USP6NL: variants seen among roughly 807,000 people sequenced by gnomAD.
USP6NL encodes USP6 N-terminal-like protein.
Under a neutral mutation model 61.9 loss-of-function variants are expected in USP6NL, and 26 were observed. The observed-to-expected ratio is 0.42, with a 90% CI of 0.31 to 0.58. The LOEUF is 0.58. USP6NL is among the 20% of genes least tolerant of loss of function. USP6NL has a pLI of 0.16. For synonymous variants in USP6NL, 432 were observed against 390.1 expected (o/e 1.11, Z -1.27); for missense variants, 1,114 against 1,034.3 (o/e 1.08, Z -1.06).
chr10:11,470,678 A>G lies in USP6NL; in HGVS notation c.1079-6829T>C, dbSNP rs550048326. Among the ~76,000 whole-genome samples, 1 of 152,324 alleles carries G rather than the reference A, an allele frequency of 6.6e-6. No homozygotes were observed. Among genetic ancestry groups the G allele is most frequent in the Non-Finnish European group, 1.5e-5 (1 of 68,026 alleles). Reference sequence around the variant, plus strand: ...ACTGCTCTACTTGTCTTTGGTTTAAATATCTCCTTTCACCCCTAAGCAACT... The same window carrying G: ...ACTGCTCTACTTGTCTTTGGTTTAAGTATCTCCTTTCACCCCTAAGCAACT... On this transcript the variant is annotated intron_variant, in intron 14 of 14. Coordinates refer to ENST00000609104, the MANE Select transcript of USP6NL (RefSeq NM_014688.5). This position sits in a 1 kb window ranked among gnomAD's most constrained non-coding sequence, Gnocchi z 5.4.
At chr10:11,554,966 A>ATTTTTTTTTTTTTTTTTTTTT (rs764342021) in intron 2 of USP6NL, among the ~76,000 whole-genome samples, 91 of 111,792 alleles carry the variant, frequency 8.1e-4, no homozygotes, top group Non-Finnish European at 1.2e-3. Flanking sequence ...TGCCCGGCTA[A>ATTTTTTTTTTTTTTTTTTTTT]TTTTTTTTTT....
At position 11,562,512 on chromosome 10, in the gene USP6NL, G is replaced by A. The variant is rs985346053; in HGVS notation, c.5-34945C>T. 4 of 985,282 alleles carry A rather than the reference G, an allele frequency of 4.1e-6. No homozygotes were observed. In the African/African-American group the frequency reaches 7.0e-5, roughly 17 times the overall value. The allele number at this position is 985,282 out of a possible 1,614,324, so 61.0% of individuals were successfully genotyped here. On this transcript the variant is annotated intron_variant, in intron 2 of 14. Coordinates refer to ENST00000609104, the MANE Select transcript of USP6NL (RefSeq NM_014688.5). This position sits in a 1 kb window ranked among gnomAD's most constrained non-coding sequence, Gnocchi z 4.8. ...TGAGGAGAAACGTGAAAAGAGCCGG[G>A]TCACTCAAGACATTGCTTGGCCACT... is the stretch of plus-strand genomic sequence containing the variant.
At chr10:11,501,338 C>G (rs1484598894) in intron 6 of USP6NL, 130 bp from the exon 7 acceptor site, 6 of 672,932 alleles carry the variant, frequency 8.9e-6, no homozygotes, top group Non-Finnish European at 1.5e-5. Context: ...TAATACATTT[C>G]AACATGGCAC....
At position 11,513,147 on chromosome 10, in the gene USP6NL, A is replaced by G. The variant is rs1041178912; in HGVS notation, c.196-3472T>C. 3.3e-5 allele frequency among the ~76,000 whole-genome samples: 5 copies of G among 152,242 alleles called. No individual in the cohort carries two copies. The highest frequency in any genetic ancestry group is 4.8e-5 in the African/African-American group (2 of 41,470). ...CATTTAAAAATTAAACAGAATTTACATAAGAAAAAACAACTGAACCCTATG... is the reference window on the plus strand; with the variant it reads ...CATTTAAAAATTAAACAGAATTTACGTAAGAAAAAACAACTGAACCCTATG... On this transcript the variant is annotated intron_variant, in intron 5 of 14. Transcript: ENST00000609104. The surrounding 1 kb of genome is among the most constrained non-coding windows in gnomAD (Gnocchi z 4.7).
chr10:11,493,308 T>A, intron 7 of USP6NL, 80 bp from the exon 8 acceptor site: 1 of 1,265,284 alleles, frequency 7.9e-7, no homozygotes, highest in East Asian at 2.6e-5. Context: ...ATAATTCTCA[T>A]TAAAAAGTTT....
rs117687154 is a variant in USP6NL, at chr10:11,511,726, C to T, written c.196-2051G>A. Among the ~76,000 whole-genome samples the T allele has an allele frequency of 3.0e-4, 45 of 152,024 alleles. No individual in the cohort carries two copies. The highest frequency in any genetic ancestry group is 2.2e-3 in the Admixed American group (33 of 15,252). On this transcript the variant is annotated intron_variant, in intron 5 of 14. Transcript: ENST00000609104. This position sits in a 1 kb window ranked among gnomAD's most constrained non-coding sequence, Gnocchi z 4.9. Reference sequence around the variant, plus strand: ...TTATTTTAAATGCTATACATTCCCACGCTGCAAGAACAAAACACACACATA... The same window carrying T: ...TTATTTTAAATGCTATACATTCCCATGCTGCAAGAACAAAACACACACATA...
At chr10:11,498,491 G>GA (rs1400548885) in intron 7 of USP6NL, among the ~76,000 whole-genome samples, 15 of 151,892 alleles carry the variant, frequency 9.9e-5, no homozygotes, top group Non-Finnish European at 8.8e-5. Flanking sequence ...ACCTTGGGGT[G>GA]AAAAGTCACC....
chr10:11,538,907 G>A (rs1835938821), intron 2 of USP6NL, among the ~76,000 whole-genome samples: 1 of 148,918 alleles, frequency 6.7e-6, no homozygotes, highest in Admixed American at 6.7e-5. Context: ...TCTTCACTCT[G>A]CTCTTCATCT....
At chr10:11,565,900 T>C (rs986708426) in intron 2 of USP6NL, among the ~76,000 whole-genome samples, 5 of 150,102 alleles carry the variant, frequency 3.3e-5, no homozygotes, top group African/African-American at 1.2e-4. Context: ...TTAATAGCAA[T>C]ACTGATTGCA....
chr10:11,469,926 C>T (rs1009909393), intron 14 of USP6NL, among the ~76,000 whole-genome samples: 1 of 151,920 alleles, frequency 6.6e-6, no homozygotes, highest in African/African-American at 2.4e-5. Context: ...CTGATGCTAA[C>T]GCTGCGATTA....
At position 11,462,826 on chromosome 10, in the gene USP6NL, A is replaced by G. The variant is rs543813574; in HGVS notation, c.2102T>C (p.Leu701Pro). 2 of 1,613,960 alleles carry G rather than the reference A, an allele frequency of 1.2e-6. No individual in the cohort carries two copies. Among genetic ancestry groups the G allele is most frequent in the South Asian group, 1.1e-5 (1 of 91,080 alleles). Residue 701 changes from leucine (L) to proline (P), a missense_variant, in exon 15 of 15, where the codon CTC (leucine) becomes CCC (proline). Coordinates refer to ENST00000609104, the MANE Select transcript of USP6NL (RefSeq NM_014688.5). ...LVLPSSRIEV[L>P]PVDTGAGGYS... ...TCCCCCAGCACCAGTGTCAACAGGG[A>G]GGACTTCTATTCGACTAGACGGCAG...
chr10:11,566,827 T>C (rs564976378), intron 2 of USP6NL, among the ~76,000 whole-genome samples: 2 of 152,356 alleles, frequency 1.3e-5, no homozygotes, highest in Admixed American at 6.5e-5. Flanking sequence ...AAGAGAGGAA[T>C]GGTGCGGGGC....
In USP6NL at chr10:11,463,436, T is replaced by C. The variant is rs746534061; in HGVS notation, c.1492A>G (p.Arg498Gly). The change falls in exon 15 of 15, where the codon AGA becomes GGA. Residue 498 changes from arginine (R) to glycine (G), a missense_variant. Transcript: ENST00000609104. This position sits in a 1 kb window ranked among gnomAD's most constrained non-coding sequence, Gnocchi z 6.3. ...CCTTCCATGGTGTATTTGGCAGTTCTCTCTGTAGCTGAGACGTCTGACGGT... is the reference window on the plus strand; with the variant it reads ...CCTTCCATGGTGTATTTGGCAGTTCCCTCTGTAGCTGAGACGTCTGACGGT... ...NKPSDVSATE[R>G]TAKYTMEGKG... is the part of the protein sequence containing the mutation. The C allele has an allele frequency of 8.7e-6, 14 of 1,613,934 alleles. No individual in the cohort carries two copies. The highest frequency in any genetic ancestry group is 6.7e-5 in the African/African-American group (5 of 74,930).
rs1458743811 is a variant in USP6NL at position 11,462,719 on chromosome 10, A to G, written c.2209T>C (p.Ser737Pro). Reference protein sequence around the residue: ...VDYLPDNRTWSEVSYTYRPET... With the variant: ...VDYLPDNRTWPEVSYTYRPET... ...GGTCTGTATGTATAACTAACTTCTG[A>G]CCATGTTCTGTTATCTGGCAAGTAA... Residue 737 changes from serine (S) to proline (P), a missense_variant, in exon 15 of 15, where the codon TCA becomes CCA. Ser to Pro is a moderately conservative substitution (Grantham distance 74, BLOSUM62 -1). Coordinates refer to ENST00000609104, the MANE Select transcript of USP6NL (RefSeq NM_014688.5). 23 of 1,613,844 alleles carry G rather than the reference A, an allele frequency of 1.4e-5. No individual in the cohort carries two copies. The highest frequency in any genetic ancestry group is 1.9e-5 in the Non-Finnish European group (23 of 1,179,896).
intron 2 of USP6NL, among the ~76,000 whole-genome samples, chr10:11,541,764 A>G (rs1836076484): frequency 6.6e-6 from 1 of 152,218 alleles, no homozygotes; most frequent in South Asian, 2.1e-4. Flanking sequence ...ATATCAAGCA[A>G]TAAATCATCT....
intron 14 of USP6NL, among the ~76,000 whole-genome samples, chr10:11,480,347 C>A (rs1355546565): frequency 6.6e-6 from 1 of 152,266 alleles, no homozygotes; most frequent in African/African-American, 2.4e-5. Context: ...AATTATCTCA[C>A]GTTTAAATAG....
intron 1 of USP6NL, among the ~76,000 whole-genome samples, chr10:11,607,408 G>A (rs1341058092): frequency 6.6e-6 from 1 of 152,130 alleles, no homozygotes; most frequent in African/African-American, 2.4e-5. Context: ...TATTAGCCAG[G>A]CAAAGTGGCT....
At chr10:11,578,954 C>T (rs1295976348) in intron 2 of USP6NL, among the ~76,000 whole-genome samples, 1 of 152,164 alleles carries the variant, frequency 6.6e-6, no homozygotes, top group Admixed American at 6.5e-5. Context: ...TGTTTTTATA[C>T]CACAGAAATT....
At position 11,461,821 on chromosome 10, in the gene USP6NL, G is replaced by A. The variant is rs553482457; in HGVS notation, c.*620C>T. On this transcript the variant is annotated 3_prime_UTR_variant, in exon 15 of 15. Transcript: ENST00000609104. ...TGAAGGAGAATGATGAGCATTCTGT[G>A]AGACTGCAATTAATAAAGTCAGGAC... 1 of 152,224 alleles carries A rather than the reference G, an allele frequency of 6.6e-6. No homozygotes were observed. The highest frequency in any genetic ancestry group is 1.5e-5 in the Non-Finnish European group (1 of 68,066). The allele number at this position is 152,224 out of a possible 1,614,324, so 9.4% of individuals were successfully genotyped here.
Sources: gnomAD v4.1 joint callset for allele counts (sites outside exome capture counted in the v4.1 genomes callset) on GRCh38, gnomAD v4.1.1 for gene constraint, Gnocchi (gnomAD v3.1) non-coding constraint, MANE v1.5 for transcripts, NCBI Gene and HGNC (gene_info 2026-07-23, HGNC 2026-07-21) for gene names.